DMD: variants seen among roughly 807,000 people sequenced by gnomAD.
DMD encodes the protein dystrophin, also known as mutant dystrophin.
A neutral mutation model predicts 330.1 loss-of-function variants in DMD; 63 were observed. The ratio of observed to expected loss-of-function variants is 0.19; its 90% CI spans 0.16 to 0.24. The LOEUF (loss-of-function observed/expected upper bound fraction) is 0.24, where lower values mean the gene tolerates loss of function less well. DMD is among the 10% of genes least tolerant of loss of function. The pLI, the probability that DMD is intolerant of heterozygous loss-of-function variation, is 1.00. For synonymous variants in DMD, 1,223 were observed against 959.8 expected (o/e 1.27, Z -5.07); for missense variants, 3,344 against 2,684.1 (o/e 1.25, Z -5.43).
At chrX:32,565,197 G>C (rs1467147497) in intron 16 of DMD, among the ~76,000 whole-genome samples, 2 of 111,577 alleles carry the variant, frequency 1.8e-5, no homozygotes, top group South Asian at 7.5e-4. Flanking sequence ...GAAATCAGCA[G>C]TCTATGGCAG....
At chrX:31,774,971 G>A (rs2090569303) in intron 50 of DMD, among the ~76,000 whole-genome samples, 1 of 111,433 alleles carries the variant, frequency 9.0e-6, no homozygotes, top group African/African-American at 3.3e-5. Flanking sequence ...GAATTAAAAT[G>A]TCTGGTAGAC....
chrX:31,560,677 A>G (rs2075144219), intron 55 of DMD, among the ~76,000 whole-genome samples: 1 of 111,225 alleles, frequency 9.0e-6, no homozygotes, highest in Non-Finnish European at 1.9e-5. Flanking sequence ...CAGCAAGACC[A>G]ACCCCTCCTC....
chrX:32,747,038 CTTTTT>C (rs1386700773), intron 7 of DMD, among the ~76,000 whole-genome samples: 1 of 111,847 alleles, frequency 8.9e-6, no homozygotes, highest in African/African-American at 3.3e-5. Flanking sequence ...GGATTTCATT[CTTTTT>C]ATGGCTGAAT....
chrX:32,762,093 G>T (rs1387093762), intron 7 of DMD, among the ~76,000 whole-genome samples: 1 of 107,821 alleles, frequency 9.3e-6, no homozygotes, highest in Non-Finnish European at 1.9e-5. Flanking sequence ...AGAGGTTGCA[G>T]TGAGGCCAGA....
chrX:31,265,205 A>C (rs761107308), intron 62 of DMD, among the ~76,000 whole-genome samples: 1 of 112,635 alleles, frequency 8.9e-6, no homozygotes, highest in Admixed American at 9.4e-5. Context: ...ATTGATCCAC[A>C]CACACAAATG....
intron 44 of DMD, among the ~76,000 whole-genome samples, chrX:32,055,132 T>C (rs752607464): frequency 3.7e-4 from 41 of 111,441 alleles, no homozygotes; most frequent in African/African-American, 1.2e-3. Flanking sequence ...ATCACAGAGC[T>C]AATGTTAACA....
intron 16 of DMD, among the ~76,000 whole-genome samples, chrX:32,554,957 GAGAA>G (rs1206294775): frequency 2.3e-4 from 17 of 73,842 alleles, no homozygotes; most frequent in African/African-American, 3.7e-4. Flanking sequence ...GAGAGGGAGA[GAGAA>G]AGAAAGAGAG....
intron 2 of DMD, among the ~76,000 whole-genome samples, chrX:32,872,670 A>G (rs181408168): frequency 0.012 from 1,314 of 112,350 alleles, 24 homozygotes; most frequent in African/African-American, 0.04. Context: ...TTTTATAAAA[A>G]GGGAAGAATT....
At position 31,510,506 on chromosome X, in the gene DMD, C is replaced by CTTTTTTTTTTTTTTT. The variant is rs756448666; in HGVS notation, c.8218-3068_8218-3054dup. On this transcript the variant is annotated intron_variant, in intron 55 of 78. Coordinates refer to ENST00000357033, the MANE Select transcript of DMD (RefSeq NM_004006.3). ...AATGAAAAATTGAATTCTGACTGCT[C>CTTTTTTTTTTTTTTT]TTTTTTTTTTTTTTTTTTTGAGACA... Among the ~76,000 whole-genome samples the CTTTTTTTTTTTTTTT allele has an allele frequency of 8.3e-5, 7 of 84,498 alleles. No homozygotes were observed. The East Asian group carries it at 1.1e-3, about 13-fold the overall frequency. 73.4% of individuals were successfully genotyped at this position (84,498 alleles called of 115,157 possible).
At chrX:32,364,911 C>G in intron 35 of DMD, 109 bp downstream of exon 35, 1 of 861,747 alleles carries the variant, frequency 1.2e-6, no homozygotes, top group East Asian at 3.3e-5. Context: ...TAAGAGCCAG[C>G]ATATACGTAG....
At chrX:33,195,178 TA>T (rs2050857156) in intron 1 of DMD, among the ~76,000 whole-genome samples, 1 of 111,343 alleles carries the variant, frequency 9.0e-6, no homozygotes, top group Non-Finnish European at 1.9e-5. Context: ...GGGTGGAAAA[TA>T]AGCTTAGGAA....
chrX:33,176,906 C>T (rs186136557), intron 1 of DMD, among the ~76,000 whole-genome samples: 3 of 111,594 alleles, frequency 2.7e-5, no homozygotes, highest in East Asian at 5.6e-4. Flanking sequence ...CATTGCACTG[C>T]GGCCTGGGCT....
At chrX:32,250,971 C>T (rs2097261170) in intron 43 of DMD, among the ~76,000 whole-genome samples, 1 of 108,856 alleles carries the variant, frequency 9.2e-6, no homozygotes. Context: ...TGGACTCACT[C>T]GTAAGTGGGA....
intron 44 of DMD, among the ~76,000 whole-genome samples, chrX:32,116,576 G>A (rs2096611777): frequency 1.8e-5 from 2 of 111,810 alleles, no homozygotes; most frequent in East Asian, 2.8e-4. Flanking sequence ...TTGAGCTAAA[G>A]CCATTTGAGG....
At chrX:32,861,981 T>C (rs2082106510) in intron 2 of DMD, among the ~76,000 whole-genome samples, 1 of 112,146 alleles carries the variant, frequency 8.9e-6, no homozygotes, top group African/African-American at 3.2e-5. Flanking sequence ...GTGATGTCAT[T>C]GTAAGGAATC....
At chrX:32,778,537 G>A (rs2074399542) in intron 7 of DMD, among the ~76,000 whole-genome samples, 2 of 112,022 alleles carry the variant, frequency 1.8e-5, no homozygotes, top group African/African-American at 6.5e-5. Context: ...TTACAGCTGA[G>A]TAGGTTAGAC....
At chrX:32,395,683 A>G (rs2098039110) in intron 30 of DMD, among the ~76,000 whole-genome samples, 1 of 112,143 alleles carries the variant, frequency 8.9e-6, no homozygotes, top group Admixed American at 9.5e-5. Flanking sequence ...TTTAACTAGC[A>G]TATGGCTGAG....
At chrX:31,545,131 C>T (rs764402540) in intron 55 of DMD, among the ~76,000 whole-genome samples, 1 of 111,781 alleles carries the variant, frequency 8.9e-6, no homozygotes, top group Non-Finnish European at 1.9e-5. Flanking sequence ...TGTAAAATAT[C>T]GTTGTTCCAT....
At chrX:32,858,520 G>C (rs1286113877) in intron 2 of DMD, among the ~76,000 whole-genome samples, 1 of 110,924 alleles carries the variant, frequency 9.0e-6, no homozygotes, top group East Asian at 2.8e-4. Flanking sequence ...AGTAGAGACG[G>C]GGTTTCACTA....
Sources: gnomAD v4.1 joint callset for allele counts (sites outside exome capture counted in the v4.1 genomes callset) on GRCh38, gnomAD v4.1.1 for gene constraint, MANE v1.5 for transcripts, NCBI Gene and HGNC (gene_info 2026-07-23, HGNC 2026-07-21) for gene names.